Variants in NUAK2 observed in about 807,000 individuals in gnomAD.
NUAK2 encodes the protein NUAK family kinase 2.
In NUAK2, 20 loss-of-function variants were observed where a neutral mutation model predicts 29.8. That is an observed-to-expected ratio of 0.67 (90% CI 0.47 to 0.98). NUAK2 has a LOEUF of 0.98. NUAK2 is among the 50% of genes least tolerant of loss of function. The pLI, the probability that NUAK2 is intolerant of heterozygous loss-of-function variation, is 0.00. For synonymous variants in NUAK2, 331 were observed against 342.6 expected, an observed-to-expected ratio of 0.97 and a Z score of 0.37; for missense variants, 719 against 834.5, an observed-to-expected ratio of 0.86 and a Z score of 1.71.
At chr1:205,310,195 G>A (rs1361894810) in intron 2 of NUAK2, among the ~76,000 whole-genome samples, 2 of 152,238 alleles carry the variant, frequency 1.3e-5, no homozygotes. Context: ...TGTCCAGGGG[G>A]ACAGGAATAA....
At position 205,308,556 on chromosome 1, in the gene NUAK2, A is replaced by G; in HGVS notation, c.504+25T>C. 2 of 1,605,102 alleles carry G rather than the reference A, an allele frequency of 1.2e-6. No homozygotes were observed. The highest frequency in any genetic ancestry group is 1.1e-5 in the South Asian group (1 of 90,918). On this transcript the variant is annotated intron_variant, in intron 3 of 6. Transcript: ENST00000367157. This position sits in a 1 kb window ranked among gnomAD's most constrained non-coding sequence, Gnocchi z 4.1. ...GCCCTGGGGACCACCCACTGAGAATATGGCTGGAGCAGGTAGGTGCTCACC... is the reference window on the plus strand; with the variant it reads ...GCCCTGGGGACCACCCACTGAGAATGTGGCTGGAGCAGGTAGGTGCTCACC...
intron 1 of NUAK2, among the ~76,000 whole-genome samples, chr1:205,318,879 T>G (rs1019835626): frequency 1.3e-5 from 2 of 152,206 alleles, no homozygotes; most frequent in Non-Finnish European, 2.9e-5. Flanking sequence ...CATCTGGCCC[T>G]GATAATCCCA....
Position 205,304,485 on chromosome 1 carries a change from C to A in NUAK2, c.852G>T (p.Leu284Phe), listed in dbSNP as rs1408139403. The A allele has an allele frequency of 6.6e-7, 1 of 1,518,876 alleles. No homozygotes were observed. Among genetic ancestry groups the A allele is most frequent in the South Asian group, 1.3e-5 (1 of 75,840 alleles). The allele number at this position is 1,518,876 out of a possible 1,614,324, so 94.1% of individuals were successfully genotyped here. A position where few individuals can be genotyped will look rare whatever the true frequency, so the allele number is the denominator to read the frequency against. ...SDACGLIRWL[L>F]MVNPTRRATL... is the part of the protein sequence containing the mutation. Reference sequence around the variant, plus strand: ...TGGCCCGGCGGGTGGGGTTCACCATCAACAGCCACCGGATCAGGCCACAGG... The same window carrying A: ...TGGCCCGGCGGGTGGGGTTCACCATAAACAGCCACCGGATCAGGCCACAGG... The change falls in exon 7 of 7, where the codon TTG (leucine) becomes TTT (phenylalanine). Residue 284 changes from leucine to phenylalanine, a missense_variant. Physicochemically the swap from Leu to Phe is conservative, Grantham distance 22. Transcript: ENST00000367157. The surrounding 1 kb of genome is among the most constrained non-coding windows in gnomAD (Gnocchi z 6.5).
chr1:205,307,338 G>A (rs1199739931), intron 4 of NUAK2, among the ~76,000 whole-genome samples: 1 of 152,214 alleles, frequency 6.6e-6, no homozygotes, highest in African/African-American at 2.4e-5. Context: ...GCCTGTCCAT[G>A]TTTGTGCCTG....
chr1:205,306,232 C>A lies in NUAK2; in HGVS notation c.646G>T (p.Ala216Ser), dbSNP rs1356913165. The A allele has an allele frequency of 3.7e-6, 6 of 1,613,914 alleles. No individual in the cohort carries two copies. Among genetic ancestry groups the A allele is most frequent in the Non-Finnish European group, 2.5e-6 (3 of 1,179,906 alleles). ...LQTFCGSPLYASPEIVNGKPY... is the reference protein window; with the variant it reads ...LQTFCGSPLYSSPEIVNGKPY... ...TTCCCATTGACAATCTCTGGCGAGG[C>A]ATAGAGGGGGCTCCCACAGAATGTC... Residue 216 changes from alanine to serine, a missense_variant, in exon 5 of 7, where the codon GCC becomes TCC. By Grantham distance (99) the Ala-to-Ser change is moderately conservative. This residue lies in a region of NUAK2 where 283 missense variants were observed against 345.6 expected (regional missense o/e 0.82). Coordinates refer to ENST00000367157, the MANE Select transcript of NUAK2 (RefSeq NM_030952.3).
At chr1:205,311,927 A>G (rs1464165126) in intron 1 of NUAK2, 102 bp from the exon 2 acceptor site, 1 of 1,471,362 alleles carries the variant, frequency 6.8e-7, no homozygotes, top group Non-Finnish European at 9.3e-7. Flanking sequence ...AAGGCCACAG[A>G]GTACACCCAT....
intron 1 of NUAK2, among the ~76,000 whole-genome samples, chr1:205,320,737 G>A (rs11581733): frequency 0.29 from 44,697 of 152,060 alleles, 6,998 homozygotes; most frequent in African/African-American, 0.36. Flanking sequence ...AGACTCCTAC[G>A]CTCGCACCAA....
At position 205,311,714 on chromosome 1, in the gene NUAK2, T is replaced by C. The variant is rs147157875; in HGVS notation, c.343A>G (p.Ile115Val). 66 of 1,614,198 alleles carry C rather than the reference T, an allele frequency of 4.1e-5. No individual in the cohort carries two copies. The African/African-American group carries it at 7.3e-4, about 18-fold the overall frequency. The change falls in exon 2 of 7, where the codon ATC (isoleucine) becomes GTC (valine). Residue 115 changes from isoleucine to valine, a missense_variant. Ile to Val is a conservative substitution (Grantham distance 29). Coordinates refer to ENST00000367157, the MANE Select transcript of NUAK2 (RefSeq NM_030952.3). ...SSLNHPHIIA[I>V]HEVFENSSKI... ...TAAGTGCCCACTGTACCTTCATGGA[T>C]GGCAATGATGTGAGGGTGGTTGAGT...
intron 6 of NUAK2, 41 bp downstream of exon 6, chr1:205,305,158 C>A: frequency 1.3e-6 from 2 of 1,595,572 alleles, no homozygotes; most frequent in South Asian, 1.1e-5. Context: ...GAGTGAAGGA[C>A]ACCCCAGGCC....
At chr1:205,315,779 C>T (rs536566655) in intron 1 of NUAK2, among the ~76,000 whole-genome samples, 92 of 151,914 alleles carry the variant, frequency 6.1e-4, no homozygotes, top group African/African-American at 2.2e-3. Context: ...GGCTGAGGCA[C>T]GAGAATTGCT....
chr1:205,306,151 A>T (rs1553380302), intron 5 of NUAK2, 37 bp downstream of exon 5: 2 of 1,571,496 alleles, frequency 1.3e-6, no homozygotes, highest in South Asian at 2.4e-5. Flanking sequence ...CATAGTAAAC[A>T]TCTGAGGCAG....
chr1:205,303,359 G>T lies in NUAK2; in HGVS notation c.*91C>A. ...CTCAGCCTTCTGAGCTGGGATGCAGGTCCTGGGAGGTGGGGGAGAAGGCAT... is the reference window on the plus strand; with the variant it reads ...CTCAGCCTTCTGAGCTGGGATGCAGTTCCTGGGAGGTGGGGGAGAAGGCAT... On this transcript the variant is annotated 3_prime_UTR_variant, in exon 7 of 7. Coordinates refer to ENST00000367157, the MANE Select transcript of NUAK2 (RefSeq NM_030952.3). The T allele has an allele frequency of 8.5e-7, 1 of 1,173,408 alleles. No homozygotes were observed. The highest frequency in any genetic ancestry group is 1.2e-6 in the Non-Finnish European group (1 of 838,702). The allele number at this position is 1,173,408 out of a possible 1,614,324, so 72.7% of individuals were successfully genotyped here.
At chr1:205,306,763 G>T (rs984101941) in intron 4 of NUAK2, among the ~76,000 whole-genome samples, 8 of 152,152 alleles carry the variant, frequency 5.3e-5, no homozygotes, top group African/African-American at 1.9e-4. Flanking sequence ...GCTAGCCCAG[G>T]TGAGACCCTG....
At position 205,308,922 on chromosome 1, in the gene NUAK2, G is replaced by A. The variant is rs1444276825; in HGVS notation, c.353-190C>T. On this transcript the variant is annotated intron_variant, in intron 2 of 6. Transcript: ENST00000367157. This position sits in a 1 kb window ranked among gnomAD's most constrained non-coding sequence, Gnocchi z 4.1. The stretch of plus-strand genomic sequence containing the variant: ...CCTTGGAAGTTCTCAGCATCTTCCA[G>A]GAGCCATGAGTTAAGGCCAAAGACA... Among the ~76,000 whole-genome samples, 1 of 152,070 alleles carries A rather than the reference G, an allele frequency of 6.6e-6. No homozygotes were observed. The highest frequency in any genetic ancestry group is 2.4e-5 in the African/African-American group (1 of 41,390).
chr1:205,308,230 T>C lies in NUAK2; in HGVS notation c.505A>G (p.Asn169Asp), dbSNP rs762659144. 6.3e-7 allele frequency: 1 copy of C among 1,595,462 alleles called. No individual in the cohort carries two copies. The highest frequency in any genetic ancestry group is 1.8e-5 in the Admixed American group (1 of 55,992). The change falls in exon 4 of 7, where the codon AAC (asparagine) becomes GAC (aspartate). Residue 169 changes from asparagine (N) to aspartate (D), a missense_variant and splice_region_variant. Asn to Asp is a conservative substitution (Grantham distance 23, BLOSUM62 1). Around this residue, in one of 3 missense-constraint regions of NUAK2, gnomAD observed 283 missense variants for 345.6 expected, o/e 0.82. Coordinates refer to ENST00000367157, the MANE Select transcript of NUAK2 (RefSeq NM_030952.3). This position sits in a 1 kb window ranked among gnomAD's most constrained non-coding sequence, Gnocchi z 4.1. ...TTGAGATCTCGGTGGACAACTCTGT[T>C]CTGAAAGAAGGAGAGGGCAGTCACG... is the stretch of plus-strand genomic sequence containing the variant. ...IVSAVHYCHQ[N>D]RVVHRDLKLE...
intron 1 of NUAK2, among the ~76,000 whole-genome samples, chr1:205,316,537 G>T (rs1416373777): frequency 2.0e-5 from 3 of 152,172 alleles, no homozygotes; most frequent in African/African-American, 2.4e-5. Context: ...AGTGAGGTTT[G>T]CTAAGCCAAG....
rs2102646009 is a variant in NUAK2, at chr1:205,306,277, G to C, written c.601C>G (p.His201Asp). The C allele has an allele frequency of 6.2e-7, 1 of 1,613,866 alleles. No individual in the cohort carries two copies. The highest frequency in any genetic ancestry group is 1.1e-5 in the South Asian group (1 of 91,050). The change falls in exon 5 of 7, where the codon CAT becomes GAT. Residue 201 changes from histidine (H) to aspartate (D), a missense_variant. His to Asp is a moderately conservative substitution (Grantham distance 81, BLOSUM62 -1). Transcript: ENST00000367157. ...IADFGLSNLY[H>D]QGKFLQTFCG... is the part of the protein sequence containing the mutation. ...AATGTCTGCAGGAACTTGCCTTGAT[G>C]GTAGAGGTTGGAGAGACCGAAGTCA...
chr1:205,303,703 T>G lies in NUAK2; in HGVS notation c.1634A>C (p.Glu545Ala). The G allele has an allele frequency of 6.5e-7, 1 of 1,541,668 alleles. No individual in the cohort carries two copies. Residue 545 changes from glutamate (E) to alanine (A), a missense_variant, in exon 7 of 7, where the codon GAG becomes GCG. Glu to Ala is a moderately radical substitution (Grantham distance 107). Transcript: ENST00000367157. ...GGACTCAGAGGACAGGATGCTGTCC[T>G]CGCTCACAGCCCCTGAGGGTCGGCT... Reference protein sequence around the residue: ...RASRPSGAVSEDSILSSESFD... With the variant: ...RASRPSGAVSADSILSSESFD...
At chr1:205,321,143 T>A (rs1662410398) in intron 1 of NUAK2, among the ~76,000 whole-genome samples, 1 of 152,176 alleles carries the variant, frequency 6.6e-6, no homozygotes, top group South Asian at 2.1e-4. Context: ...ATCCATAGCC[T>A]CCCTTTTATT....
Sources: allele counts gnomAD v4.1 joint callset (sites outside exome capture counted in the v4.1 genomes callset), GRCh38; gene constraint gnomAD v4.1.1; regional missense constraint gnomAD v4.1.1; non-coding constraint Gnocchi (gnomAD v3.1); transcripts MANE v1.5; gene names NCBI Gene and HGNC (gene_info 2026-07-23, HGNC 2026-07-21).